The following PCGF5 variants were observed in gnomAD, a reference collection of about 807,000 sequenced individuals.
The protein encoded by PCGF5 is polycomb group ring finger 5.
PCGF5 carries 9 observed loss-of-function variants against 44.3 expected under a neutral mutation model. The observed-to-expected ratio is 0.20, with a 90% CI of 0.12 to 0.35. The LOEUF (loss-of-function observed/expected upper bound fraction) is 0.35. PCGF5 is among the 10% of genes least tolerant of loss of function. The pLI, the probability that PCGF5 is intolerant of heterozygous loss-of-function variation, is 1.00. For missense variants in PCGF5, 146 were observed against 305.3 expected (o/e 0.48, Z 3.89); for synonymous variants, 95 against 102.5 (o/e 0.93, Z 0.44).
chr10:91,168,057 A>G (rs573038240), intron 1 of PCGF5, among the ~76,000 whole-genome samples: 1 of 152,334 alleles, frequency 6.6e-6, no homozygotes, highest in African/African-American at 2.4e-5. Context: ...TGTCTAATTA[A>G]TGGAGGTGAT....
chr10:91,222,830 C>A lies in PCGF5; in HGVS notation c.-42C>A. The A allele has an allele frequency of 8.0e-7, 1 of 1,254,648 alleles. No homozygotes were observed. The highest frequency in any genetic ancestry group is 1.2e-6 in the Non-Finnish European group (1 of 853,896). The allele number at this position is 1,254,648 out of a possible 1,614,324, so 77.7% of individuals were successfully genotyped here. On this transcript the variant is annotated 5_prime_UTR_variant, in exon 2 of 10. Transcript: ENST00000336126. Reference sequence around the variant, plus strand: ...TCAGACTTTCATCTACTTAGGACCCCTCTTTGCCCAGACTACTAAAGCCAG... The same window carrying A: ...TCAGACTTTCATCTACTTAGGACCCATCTTTGCCCAGACTACTAAAGCCAG...
At chr10:91,223,742 A>C (rs970884458) in intron 2 of PCGF5, among the ~76,000 whole-genome samples, 2 of 152,196 alleles carry the variant, frequency 1.3e-5, no homozygotes, top group Non-Finnish European at 1.5e-5. Flanking sequence ...AAAATGAGAT[A>C]TATGTGATTT....
chr10:91,229,965 A>T (rs1050654442), intron 2 of PCGF5, among the ~76,000 whole-genome samples: 5 of 152,148 alleles, frequency 3.3e-5, no homozygotes, highest in Non-Finnish European at 7.4e-5. Flanking sequence ...AATGATTATA[A>T]TGTTCATTTT....
At chr10:91,249,670 T>C (rs1045396484) in intron 5 of PCGF5, among the ~76,000 whole-genome samples, 2 of 151,768 alleles carry the variant, frequency 1.3e-5, no homozygotes, top group African/African-American at 4.8e-5. Flanking sequence ...AAAATGGAGA[T>C]TATCATTTTA....
intron 6 of PCGF5, among the ~76,000 whole-genome samples, chr10:91,259,843 A>G (rs1228313754): frequency 6.6e-6 from 1 of 152,184 alleles, no homozygotes; most frequent in Non-Finnish European, 1.5e-5. Context: ...TACATGTTAG[A>G]CCTAAAACCA....
At chr10:91,172,090 C>A (rs755491152) in intron 1 of PCGF5, among the ~76,000 whole-genome samples, 7 of 152,152 alleles carry the variant, frequency 4.6e-5, no homozygotes, top group African/African-American at 1.7e-4. Flanking sequence ...TGTGGCAGAG[C>A]TAGCTCTCGA....
intron 1 of PCGF5, among the ~76,000 whole-genome samples, chr10:91,164,671 A>C (rs1239708263): frequency 6.6e-6 from 1 of 152,118 alleles, no homozygotes; most frequent in Admixed American, 6.5e-5. Flanking sequence ...CAATGTGATC[A>C]CTCTCAAAGA....
At chr10:91,211,995 G>T (rs1844461408) in intron 1 of PCGF5, among the ~76,000 whole-genome samples, 1 of 152,156 alleles carries the variant, frequency 6.6e-6, no homozygotes, top group Non-Finnish European at 1.5e-5. Flanking sequence ...GTGTGATACT[G>T]GTTGTTGCAC....
At chr10:91,236,844 A>T (rs940918435) in intron 2 of PCGF5, among the ~76,000 whole-genome samples, 2 of 152,172 alleles carry the variant, frequency 1.3e-5, no homozygotes, top group Non-Finnish European at 2.9e-5. Context: ...CATGTGGGAG[A>T]TGTATCTTCT....
At chr10:91,225,200 T>A (rs1432626800) in intron 2 of PCGF5, among the ~76,000 whole-genome samples, 4 of 148,012 alleles carry the variant, frequency 2.7e-5, no homozygotes, top group Non-Finnish European at 6.0e-5. Context: ...ATATATATAT[T>A]TTTATATATA....
chr10:91,235,031 G>A (rs776490037), intron 2 of PCGF5, among the ~76,000 whole-genome samples: 5 of 152,154 alleles, frequency 3.3e-5, no homozygotes, highest in African/African-American at 9.7e-5. Context: ...TGATGGTTTA[G>A]CAGAGAGCCA....
intron 2 of PCGF5, among the ~76,000 whole-genome samples, chr10:91,233,980 A>G (rs899592931): frequency 2.6e-4 from 39 of 152,354 alleles, no homozygotes; most frequent in African/African-American, 8.7e-4. Context: ...TTATTGTTTT[A>G]TCATCAGTGA....
At chr10:91,259,601 G>T (rs1845843813) in intron 6 of PCGF5, among the ~76,000 whole-genome samples, 1 of 152,120 alleles carries the variant, frequency 6.6e-6, no homozygotes, top group Non-Finnish European at 1.5e-5. Context: ...AAAACAGCAT[G>T]GTACTGGTAC....
At chr10:91,178,395 C>CTT (rs5786943) in intron 1 of PCGF5, among the ~76,000 whole-genome samples, 2,444 of 143,546 alleles carry the variant, frequency 0.017, 57 homozygotes, top group African/African-American at 0.057. Context: ...CTTTTCTTTT[C>CTT]TTTTTTTTTT....
rs1204876179 is a variant in PCGF5 at position 91,282,780 on chromosome 10, A to C, written c.*4464A>C. On this transcript the variant is annotated 3_prime_UTR_variant, in exon 10 of 10. Transcript: ENST00000336126. ...GGTTTATCATAAGGAATTTTCCAGA[A>C]AGCTAAGCTTTATACTAATAAGATA... 6.6e-6 allele frequency: 1 copy of C among 152,612 alleles called. No homozygotes were observed. Among genetic ancestry groups the C allele is most frequent in the East Asian group, 1.9e-4 (1 of 5,196 alleles). 9.5% of individuals were successfully genotyped at this position (152,612 alleles called of 1,614,324 possible).
chr10:91,238,688 C>A (rs1192450839), intron 2 of PCGF5, among the ~76,000 whole-genome samples: 1 of 132,892 alleles, frequency 7.5e-6, no homozygotes, highest in Non-Finnish European at 1.6e-5. Context: ...GAGCAAATAC[C>A]AGCAATGTTC....
intron 5 of PCGF5, among the ~76,000 whole-genome samples, chr10:91,249,356 T>C (rs543105522): frequency 2.1e-5 from 3 of 140,810 alleles, no homozygotes; most frequent in African/African-American, 7.7e-5. Flanking sequence ...ACTGAGCAGA[T>C]AAAAGGCTTT....
At chr10:91,227,492 A>G (rs1238754892) in intron 2 of PCGF5, 1 of 1,275,858 alleles carries the variant, frequency 7.8e-7, no homozygotes, top group African/African-American at 1.5e-5. Context: ...AACTGGGCAA[A>G]GTCCTGCTGG....
chr10:91,186,562 G>A (rs1192811149), intron 1 of PCGF5, among the ~76,000 whole-genome samples: 1 of 137,142 alleles, frequency 7.3e-6, no homozygotes, highest in Non-Finnish European at 1.6e-5. Context: ...ATATATATGT[G>A]TGTGTGTGTA....
Sources: gnomAD v4.1 joint callset for allele counts (sites outside exome capture counted in the v4.1 genomes callset) on GRCh38, gnomAD v4.1.1 for gene constraint, MANE v1.5 for transcripts, NCBI Gene and HGNC (gene_info 2026-07-23, HGNC 2026-07-21) for gene names.